HRH1: variants seen among roughly 807,000 people sequenced by gnomAD.
HRH1 encodes histamine H1 receptor.
In HRH1, 6 loss-of-function variants were observed where a neutral mutation model predicts 10.3. The observed-to-expected ratio is 0.58, with a 90% confidence interval of 0.32 to 1.15. The LOEUF is 1.15. Ranked by LOEUF, HRH1 falls within the 50% of genes most tolerant of loss-of-function variation. The pLI is 0.05. For synonymous variants in HRH1, 242 were observed against 236.7 expected, an observed-to-expected ratio of 1.02 and a Z score of -0.21; for missense variants, 514 against 615.3, an observed-to-expected ratio of 0.84 and a Z score of 1.74.
At chr3:11,217,400 G>A (rs1289084680) in intron 1 of HRH1, among the ~76,000 whole-genome samples, 1 of 150,748 alleles carries the variant, frequency 6.6e-6, no homozygotes, top group Non-Finnish European at 1.5e-5. Context: ...ATGATGGCAG[G>A]TGCCTGTAAT....
At chr3:11,245,936 C>T (rs1287317207) in intron 1 of HRH1, among the ~76,000 whole-genome samples, 2 of 151,962 alleles carry the variant, frequency 1.3e-5, no homozygotes, top group Non-Finnish European at 2.9e-5. Context: ...CACACATACA[C>T]ACTCACACTC....
intron 1 of HRH1, among the ~76,000 whole-genome samples, chr3:11,179,263 G>A (rs1461315521): frequency 1.3e-5 from 2 of 151,624 alleles, no homozygotes; most frequent in Non-Finnish European, 2.9e-5. Flanking sequence ...ACTCCAGCCT[G>A]GGCTACAGAG....
intron 1 of HRH1, among the ~76,000 whole-genome samples, chr3:11,172,601 A>G (rs1009073196): frequency 6.6e-6 from 1 of 151,980 alleles, no homozygotes; most frequent in African/African-American, 2.4e-5. Context: ...TGCTTACACC[A>G]GCCCCTGGGA....
intron 1 of HRH1, among the ~76,000 whole-genome samples, chr3:11,236,390 T>C (rs1939182018): frequency 6.6e-6 from 1 of 152,122 alleles, no homozygotes; most frequent in Non-Finnish European, 1.5e-5. Context: ...GATCGTGCCA[T>C]TGCACTCCAG....
At chr3:11,148,382 T>C (rs1574971931) in intron 1 of HRH1, among the ~76,000 whole-genome samples, 1 of 152,044 alleles carries the variant, frequency 6.6e-6, no homozygotes, top group Non-Finnish European at 1.5e-5. Flanking sequence ...TTTATCTGCA[T>C]GTAAGAGAAT....
intron 1 of HRH1, among the ~76,000 whole-genome samples, chr3:11,137,958 G>A (rs1239232290): frequency 6.6e-6 from 1 of 152,042 alleles, no homozygotes; most frequent in Non-Finnish European, 1.5e-5. Context: ...GAGAATGGGA[G>A]AAAATATTTG....
At chr3:11,174,209 A>G (rs2125013951) in intron 1 of HRH1, among the ~76,000 whole-genome samples, 1 of 152,324 alleles carries the variant, frequency 6.6e-6, no homozygotes, top group South Asian at 2.1e-4. Flanking sequence ...CCCCAGCTAG[A>G]CTGTGAAGTT....
chr3:11,223,376 G>A (rs1466493278), intron 1 of HRH1, among the ~76,000 whole-genome samples: 6 of 151,734 alleles, frequency 4.0e-5, no homozygotes, highest in African/African-American at 1.2e-4. Context: ...GCGGGCGCCT[G>A]TAGTCCCAGC....
intron 1 of HRH1, among the ~76,000 whole-genome samples, chr3:11,206,416 C>G (rs1938128774): frequency 6.6e-6 from 1 of 152,248 alleles, no homozygotes; most frequent in African/African-American, 2.4e-5. Context: ...CCACGCCAAG[C>G]GTGTTTTCAC....
At chr3:11,250,276 G>A (rs1939613873) in intron 1 of HRH1, among the ~76,000 whole-genome samples, 1 of 147,912 alleles carries the variant, frequency 6.8e-6, no homozygotes, top group East Asian at 2.0e-4. Context: ...AGCCAGGATG[G>A]TCACGATCTC....
intron 1 of HRH1, among the ~76,000 whole-genome samples, chr3:11,183,093 A>G (rs1425710981): frequency 6.6e-6 from 1 of 152,182 alleles, no homozygotes; most frequent in African/African-American, 2.4e-5. Context: ...ATCATCTCTT[A>G]GACCCACTGG....
intron 1 of HRH1, among the ~76,000 whole-genome samples, chr3:11,254,094 A>G (rs1009313673): frequency 6.6e-6 from 1 of 152,198 alleles, no homozygotes; most frequent in East Asian, 1.9e-4. Context: ...AGGGTATATT[A>G]TCATGATCAT....
chr3:11,207,401 TA>T lies in HRH1; in HGVS notation c.-35-51592del, dbSNP rs562806437. 3.0e-4 allele frequency among the ~76,000 whole-genome samples: 45 copies of T among 148,508 alleles called. No individual in the cohort carries two copies. In the South Asian group the frequency reaches 4.3e-3, roughly 14 times the overall value. ...AACACGGTGAAACCCCGTCTCTACT[TA>T]AAAAAAAAATACAAAAAATTAGCCG... is the stretch of plus-strand genomic sequence containing the variant. On this transcript the variant is annotated intron_variant, in intron 1 of 1. Coordinates refer to ENST00000431010, the MANE Select transcript of HRH1 (RefSeq NM_001098212.2).
chr3:11,255,910 C>A (rs1222262560), intron 1 of HRH1, among the ~76,000 whole-genome samples: 1 of 152,184 alleles, frequency 6.6e-6, no homozygotes, highest in African/African-American at 2.4e-5. Context: ...TTTGGGGCCC[C>A]AAGTTATTTT....
At chr3:11,171,679 C>T (rs1471869931) in intron 1 of HRH1, among the ~76,000 whole-genome samples, 2 of 152,238 alleles carry the variant, frequency 1.3e-5, no homozygotes, top group Non-Finnish European at 2.9e-5. Flanking sequence ...TCTCACTCTT[C>T]AAACAGTCCA....
In HRH1 at chr3:11,163,183, C is replaced by G. The variant is rs139938647; in HGVS notation, c.-36+8629C>G. On this transcript the variant is annotated intron_variant, in intron 1 of 1. Coordinates refer to ENST00000431010, the MANE Select transcript of HRH1 (RefSeq NM_001098212.2). The stretch of plus-strand genomic sequence containing the variant: ...AGCTCCTCCCCACTGTGCATCACCC[C>G]ATCCCAGCCTCAACGTAGGCCTCCT... Among the ~76,000 whole-genome samples, 460 of 152,236 alleles carry G rather than the reference C, an allele frequency of 3.0e-3. 1 individual carries two copies. The highest frequency in any genetic ancestry group is 0.014 in the Middle Eastern group (4 of 294).
chr3:11,250,811 A>T (rs1192937425), intron 1 of HRH1, among the ~76,000 whole-genome samples: 1 of 152,132 alleles, frequency 6.6e-6, no homozygotes, highest in Non-Finnish European at 1.5e-5. Flanking sequence ...ATGAGGGTGG[A>T]TGCACGGCAT....
Position 11,259,954 on chromosome 3 carries a change from A to G in HRH1, c.917A>G (p.Asp306Gly). ...EVDKLYCFPL[D>G]IVHMQAAAEG... ...GACAAACTCTACTGCTTTCCACTTG[A>G]TATTGTGCACATGCAGGCTGCGGCA... The change falls in exon 2 of 2, where the codon GAT becomes GGT. Residue 306 changes from aspartate (D) to glycine (G), a missense_variant. Coordinates refer to ENST00000431010, the MANE Select transcript of HRH1 (RefSeq NM_001098212.2). This position sits in a 1 kb window ranked among gnomAD's most constrained non-coding sequence, Gnocchi z 4.6. The G allele has an allele frequency of 1.2e-6, 2 of 1,614,170 alleles. No homozygotes were observed. The highest frequency in any genetic ancestry group is 1.7e-6 in the Non-Finnish European group (2 of 1,180,040).
chr3:11,180,424 G>A (rs1937330214), intron 1 of HRH1, among the ~76,000 whole-genome samples: 1 of 152,116 alleles, frequency 6.6e-6, no homozygotes, highest in Admixed American at 6.5e-5. Flanking sequence ...CCCTCACAAT[G>A]CACAATTATC....
Sources: allele counts gnomAD v4.1 joint callset (sites outside exome capture counted in the v4.1 genomes callset), GRCh38; gene constraint gnomAD v4.1.1; non-coding constraint Gnocchi (gnomAD v3.1); transcripts MANE v1.5; gene names NCBI Gene and HGNC (gene_info 2026-07-23, HGNC 2026-07-21).